PHF20L1: variants seen among roughly 807,000 people sequenced by gnomAD.
The protein encoded by PHF20L1 is PHD finger protein 20-like protein 1.
Under a neutral mutation model 125.5 loss-of-function variants are expected in PHF20L1, and 44 were observed. That is an observed-to-expected ratio of 0.35 (90% CI 0.28 to 0.45). The LOEUF (loss-of-function observed/expected upper bound fraction) is 0.45, where lower values mean the gene tolerates loss of function less well. Among genes scored for constraint, PHF20L1 ranks in the 20% least tolerant of loss-of-function variants. The pLI is 1.00. For synonymous variants in PHF20L1, 380 were observed against 403.1 expected, an observed-to-expected ratio of 0.94 and a Z score of 0.69; for missense variants, 1,012 against 1,217.2, an observed-to-expected ratio of 0.83 and a Z score of 2.51.
At chr8:132,837,838 GC>G in intron 17 of PHF20L1, 27 bp downstream of exon 17, 1 of 1,489,680 alleles carries the variant, frequency 6.7e-7, no homozygotes, top group South Asian at 1.1e-5. Context: ...CGTGCTGATT[GC>G]CAGGATGCCT....
intron 4 of PHF20L1, among the ~76,000 whole-genome samples, chr8:132,797,754 T>C (rs1832577794): frequency 2.0e-5 from 3 of 151,490 alleles, no homozygotes; most frequent in African/African-American, 7.3e-5. Flanking sequence ...TTATTCAGAG[T>C]ACCCAAAAAA....
chr8:132,776,232 T>C (rs1458221954), intron 1 of PHF20L1, among the ~76,000 whole-genome samples: 2 of 152,200 alleles, frequency 1.3e-5, no homozygotes, highest in Non-Finnish European at 2.9e-5. Context: ...TCTTGTTTTT[T>C]TTCTGGTACT....
At chr8:132,820,170 A>G (rs1007510809) in intron 12 of PHF20L1, among the ~76,000 whole-genome samples, 4 of 151,842 alleles carry the variant, frequency 2.6e-5, no homozygotes, top group African/African-American at 7.3e-5. Context: ...ATCTTTGTAA[A>G]AATTGATGCC....
At chr8:132,817,566 G>C in intron 12 of PHF20L1, 21 bp downstream of exon 12, 2 of 1,552,766 alleles carry the variant, frequency 1.3e-6, no homozygotes, top group Non-Finnish European at 1.8e-6. Flanking sequence ...AAAAATAAAG[G>C]CTCCTATAAG....
chr8:132,828,229 T>C (rs1836401981), intron 14 of PHF20L1, among the ~76,000 whole-genome samples: 1 of 152,042 alleles, frequency 6.6e-6, no homozygotes, highest in Non-Finnish European at 1.5e-5. Flanking sequence ...GGTACTTATG[T>C]ACCCAAAACT....
intron 20 of PHF20L1, among the ~76,000 whole-genome samples, chr8:132,845,233 A>G (rs1422291561): frequency 6.6e-6 from 1 of 152,114 alleles, no homozygotes; most frequent in African/African-American, 2.4e-5. Context: ...TCTGCCTACA[A>G]TTTTAATACG....
At chr8:132,828,715 AGT>A (rs887117192) in intron 14 of PHF20L1, among the ~76,000 whole-genome samples, 7 of 152,072 alleles carry the variant, frequency 4.6e-5, no homozygotes, top group Admixed American at 3.9e-4. Flanking sequence ...GGGATTTAAG[AGT>A]GTCATCTTTG....
chr8:132,831,323 C>A (rs924658473), intron 14 of PHF20L1, among the ~76,000 whole-genome samples: 15 of 151,848 alleles, frequency 9.9e-5, no homozygotes, highest in African/African-American at 3.6e-4. Context: ...ATGCACTCTT[C>A]AGCTTCAGAG....
chr8:132,786,042 A>T (rs1274378068), intron 2 of PHF20L1, among the ~76,000 whole-genome samples: 1 of 152,158 alleles, frequency 6.6e-6, no homozygotes, highest in Non-Finnish European at 1.5e-5. Flanking sequence ...CATTTCAGAA[A>T]ATTATGGCAA....
intron 2 of PHF20L1, among the ~76,000 whole-genome samples, chr8:132,783,707 C>G (rs899674059): frequency 6.6e-6 from 1 of 152,012 alleles, no homozygotes; most frequent in South Asian, 2.1e-4. Flanking sequence ...TTCAGTTTGT[C>G]TATACATAGA....
At chr8:132,787,443 GTAT>G (rs1563784045) in intron 2 of PHF20L1, among the ~76,000 whole-genome samples, 1 of 152,104 alleles carries the variant, frequency 6.6e-6, no homozygotes, top group Non-Finnish European at 1.5e-5. Context: ...TGCCAGATGT[GTAT>G]TATGGGGATC....
chr8:132,839,550 A>G lies in PHF20L1; in HGVS notation c.2355A>G (p.Leu785=), dbSNP rs1205606289. 6.2e-7 allele frequency: 1 copy of G among 1,613,348 alleles called. No individual in the cohort carries two copies. Among genetic ancestry groups the G allele is most frequent in the Non-Finnish European group, 8.5e-7 (1 of 1,179,572 alleles). Residue 785 remains leucine (L), a synonymous_variant, in exon 18 of 21, where the codon CTA becomes CTG. Transcript: ENST00000395386. ...ATGTCTATGGTGTTACAGAAGTGCT[A>G]CACGGGCTACAGCTGAAGATTGGAA... ...LADVYGVTEV[L]HGLQLKIGIL... is the part of the protein sequence containing the mutation.
At chr8:132,792,324 TA>T (rs1383441641) in intron 2 of PHF20L1, among the ~76,000 whole-genome samples, 2 of 152,140 alleles carry the variant, frequency 1.3e-5, no homozygotes, top group Non-Finnish European at 2.9e-5. Context: ...TTTTATGTTT[TA>T]AAAACCAGGG....
At chr8:132,829,458 A>G (rs1352914443) in intron 14 of PHF20L1, among the ~76,000 whole-genome samples, 1 of 152,120 alleles carries the variant, frequency 6.6e-6, no homozygotes, top group Non-Finnish European at 1.5e-5. Context: ...TACTTGATAC[A>G]GTACCTGGCA....
At chr8:132,781,502 C>G (rs557097906) in intron 2 of PHF20L1, among the ~76,000 whole-genome samples, 2 of 152,124 alleles carry the variant, frequency 1.3e-5, no homozygotes, top group East Asian at 1.9e-4. Context: ...AACCTCCGCT[C>G]GCTGCAACCT....
At chr8:132,825,762 A>G (rs1220628880) in intron 14 of PHF20L1, among the ~76,000 whole-genome samples, 1 of 152,094 alleles carries the variant, frequency 6.6e-6, no homozygotes, top group Non-Finnish European at 1.5e-5. Flanking sequence ...AACCAACAGA[A>G]TTTGGTATCA....
chr8:132,797,587 C>T (rs1344421258), intron 4 of PHF20L1, among the ~76,000 whole-genome samples: 1 of 151,958 alleles, frequency 6.6e-6, no homozygotes, highest in Non-Finnish European at 1.5e-5. Flanking sequence ...ATGGAAGTGC[C>T]AGGTGTACAC....
chr8:132,845,741 A>C, intron 20 of PHF20L1, 40 bp from the exon 21 acceptor site: 4 of 1,412,976 alleles, frequency 2.8e-6, no homozygotes, highest in Non-Finnish European at 4.0e-6. Context: ...CTGTTCTTCC[A>C]GTTGCAGTTT....
At position 132,839,466 on chromosome 8, in the gene PHF20L1, A is replaced by G. The variant is rs769378130; in HGVS notation, c.2271A>G (p.Lys757=). ...NGRMCGLSFF[K]ENYSHLNAKK... ...GAATGTGCGGGTTATCATTTTTCAA[A>G]GAAAATTATTCTCATCTCAATGCCA... Residue 757 remains lysine, a synonymous_variant, in exon 18 of 21, where the codon AAA becomes AAG. Coordinates refer to ENST00000395386, the MANE Select transcript of PHF20L1 (RefSeq NM_016018.5). The G allele has an allele frequency of 4.3e-6, 7 of 1,613,334 alleles. No individual in the cohort carries two copies. The highest frequency in any genetic ancestry group is 5.9e-6 in the Non-Finnish European group (7 of 1,179,382).
Sources: gnomAD v4.1 joint callset for allele counts (sites outside exome capture counted in the v4.1 genomes callset) on GRCh38, gnomAD v4.1.1 for gene constraint, MANE v1.5 for transcripts, NCBI Gene and HGNC (gene_info 2026-07-23, HGNC 2026-07-21) for gene names.